The following TDRD10 variants were observed in gnomAD, a reference collection of about 807,000 sequenced individuals.
TDRD10 encodes tudor domain-containing protein 10.
TDRD10 carries 40 observed loss-of-function variants against 48.0 expected under a neutral mutation model. The observed-to-expected ratio is 0.83, with a 90% confidence interval of 0.65 to 1.09. TDRD10 has a LOEUF of 1.09. TDRD10 is among the 50% of genes least tolerant of loss of function. TDRD10 has a pLI of 0.00. For synonymous variants in TDRD10, 162 were observed against 170.4 expected (o/e 0.95, Z 0.38); for missense variants, 378 against 434.7 (o/e 0.87, Z 1.16).
At chr1:154,525,605 C>T (rs773469160) in intron 6 of TDRD10, among the ~76,000 whole-genome samples, 1 of 152,022 alleles carries the variant, frequency 6.6e-6, no homozygotes, top group Non-Finnish European at 1.5e-5. Context: ...AGGAAGTAGA[C>T]ATTAATGGCC....
At position 154,544,046 on chromosome 1, in the gene TDRD10, CG is replaced by C. The variant is rs745982586; in HGVS notation, c.591del (p.Leu198CysfsTer3). On this transcript the variant is annotated frameshift_variant, in exon 9 of 13. Transcript: ENST00000368482. LOFTEE classifies it high-confidence loss of function. ...CTCATCCATAGCGTCCGTGGGGAGG[CG>C]GGGCTGCTGGTGACGAGTATCGTCC... ...LALIHSVRGE[A>X]GLLVTSIVPK... The C allele has an allele frequency of 2.5e-6, 4 of 1,614,030 alleles. No individual in the cohort carries two copies. In the South Asian group the frequency reaches 4.4e-5, roughly 18 times the overall value.
At chr1:154,503,212 C>T (rs1033423466) in intron 1 of TDRD10, among the ~76,000 whole-genome samples, 183 bp downstream of exon 1, 3 of 151,942 alleles carry the variant, frequency 2.0e-5, no homozygotes, top group African/African-American at 4.8e-5. Context: ...TTTGTGCGGG[C>T]GGGGAGTGCC....
At chr1:154,536,530 T>G (rs1394639791) in intron 6 of TDRD10, among the ~76,000 whole-genome samples, 1 of 152,230 alleles carries the variant, frequency 6.6e-6, no homozygotes, top group Non-Finnish European at 1.5e-5. Flanking sequence ...TGTTGAAGTA[T>G]TCGATATACT....
chr1:154,518,058 T>C lies in TDRD10; in HGVS notation c.142-2246T>C, dbSNP rs563802381. On this transcript the variant is annotated intron_variant, in intron 4 of 12. Transcript: ENST00000368482. Reference sequence around the variant, plus strand: ...GGTGAGTGCAGTAACCTCCTGCCTGTCTGGCACAAAGTCAGTGGTCCATAA... The same window carrying C: ...GGTGAGTGCAGTAACCTCCTGCCTGCCTGGCACAAAGTCAGTGGTCCATAA... Among the ~76,000 whole-genome samples, 10 of 152,360 alleles carry C rather than the reference T, an allele frequency of 6.6e-5. No homozygotes were observed. The East Asian group carries it at 1.9e-3, about 29-fold the overall frequency.
intron 6 of TDRD10, among the ~76,000 whole-genome samples, chr1:154,531,498 C>T (rs756399711): frequency 1.3e-5 from 2 of 152,062 alleles, no homozygotes; most frequent in Non-Finnish European, 2.9e-5. Context: ...CAGACCTTCG[C>T]AGTGAGTGTT....
chr1:154,531,375 T>A (rs1433102995), intron 6 of TDRD10, among the ~76,000 whole-genome samples: 1 of 152,172 alleles, frequency 6.6e-6, no homozygotes. Context: ...GCGGTAAGTA[T>A]TACAGTTCTT....
intron 11 of TDRD10, among the ~76,000 whole-genome samples, chr1:154,545,494 T>G (rs1306797093): frequency 6.6e-6 from 1 of 152,192 alleles, no homozygotes; most frequent in African/African-American, 2.4e-5. Flanking sequence ...AAGAATGTTT[T>G]AGGGGGCAGT....
intron 1 of TDRD10, among the ~76,000 whole-genome samples, chr1:154,505,859 A>G (rs1418128919): frequency 6.6e-6 from 1 of 152,246 alleles, no homozygotes; most frequent in Non-Finnish European, 1.5e-5. Context: ...TGAGTTCTTG[A>G]CACATGGCAA....
chr1:154,544,056 G>A lies in TDRD10; in HGVS notation c.597G>A (p.Leu199=). 1 of 1,614,194 alleles carries A rather than the reference G, an allele frequency of 6.2e-7. No individual in the cohort carries two copies. The highest frequency in any genetic ancestry group is 8.5e-7 in the Non-Finnish European group (1 of 1,180,024). The change falls in exon 9 of 13, where the codon CTG becomes CTA. Residue 199 remains leucine (L), a synonymous_variant. Transcript: ENST00000368482. ...GCGTCCGTGGGGAGGCGGGGCTGCT[G>A]GTGACGAGTATCGTCCCGAAGACCC... ...IHSVRGEAGL[L]VTSIVPKTPF... is the part of the protein sequence containing the mutation.
In TDRD10 at chr1:154,520,258, T is replaced by C. The variant is rs775274467; in HGVS notation, c.142-46T>C. On this transcript the variant is annotated intron_variant, in intron 4 of 12. Coordinates refer to ENST00000368482, the MANE Select transcript of TDRD10 (RefSeq NM_182499.4). ...GATCTGAAACCTTGAGAAGTGGTTGTAAGTTATGTCTCTGGGTCTCTCTCT... is the reference window on the plus strand; with the variant it reads ...GATCTGAAACCTTGAGAAGTGGTTGCAAGTTATGTCTCTGGGTCTCTCTCT... 5 of 1,403,616 alleles carry C rather than the reference T, an allele frequency of 3.6e-6. No homozygotes were observed. In the Admixed American group the frequency reaches 6.7e-5, roughly 19 times the overall value. The allele number at this position is 1,403,616 out of a possible 1,614,324, so 86.9% of individuals were successfully genotyped here.
At chr1:154,506,301 A>C (rs1466137128) in intron 1 of TDRD10, among the ~76,000 whole-genome samples, 2 of 151,720 alleles carry the variant, frequency 1.3e-5, no homozygotes, top group African/African-American at 2.4e-5. Context: ...CCCTTCCTCC[A>C]TCTTCAAAGC....
At chr1:154,536,655 C>A (rs191396205) in intron 6 of TDRD10, among the ~76,000 whole-genome samples, 270 of 152,336 alleles carry the variant, frequency 1.8e-3, no homozygotes, top group Middle Eastern at 3.4e-3. Context: ...ACATTTCAGT[C>A]GCCCAAAAGA....
At chr1:154,528,522 G>A (rs1282696960) in intron 6 of TDRD10, among the ~76,000 whole-genome samples, 3 of 151,486 alleles carry the variant, frequency 2.0e-5, no homozygotes, top group Non-Finnish European at 4.4e-5. Context: ...GCTGCACCCT[G>A]CCAAAAAAAA....
chr1:154,542,922 T>C, intron 8 of TDRD10, 101 bp downstream of exon 8: 1 of 939,292 alleles, frequency 1.1e-6, no homozygotes, highest in Non-Finnish European at 1.6e-6. Context: ...TGGGGGATAG[T>C]TTTCGGGAAC....
At chr1:154,545,037 T>G in intron 11 of TDRD10, 88 bp downstream of exon 11, 8 of 1,529,218 alleles carry the variant, frequency 5.2e-6, no homozygotes, top group Non-Finnish European at 6.2e-6. Context: ...AGCAGCATAG[T>G]GGGCGGCCAA....
Position 154,507,337 on chromosome 1 carries a change from G to T in TDRD10, c.82+17G>T. The T allele has an allele frequency of 6.2e-7, 1 of 1,613,484 alleles. No individual in the cohort carries two copies. The highest frequency in any genetic ancestry group is 8.5e-7 in the Non-Finnish European group (1 of 1,179,796). ...AATCTCCAGGTAAGTTAGGCTGGGG[G>T]ATTCGCTGGTGCTGGGACTCTCATC... On this transcript the variant is annotated intron_variant, in intron 3 of 12. Transcript: ENST00000368482.
intron 11 of TDRD10, among the ~76,000 whole-genome samples, 178 bp downstream of exon 11, chr1:154,545,127 T>G (rs963855541): frequency 6.6e-6 from 1 of 152,136 alleles, no homozygotes; most frequent in Non-Finnish European, 1.5e-5. Flanking sequence ...GTGTTGGTTT[T>G]CATGCCTGGG....
chr1:154,518,533 T>A (rs1003138143), intron 4 of TDRD10, among the ~76,000 whole-genome samples: 2 of 152,172 alleles, frequency 1.3e-5, no homozygotes, highest in African/African-American at 4.8e-5. Context: ...GTTCACGCCA[T>A]TCTCCTGCCT....
chr1:154,533,194 A>T (rs1034419789), intron 6 of TDRD10, among the ~76,000 whole-genome samples: 1 of 152,106 alleles, frequency 6.6e-6, no homozygotes, highest in African/African-American at 2.4e-5. Context: ...TGAGGGCAGA[A>T]GTCTGGGCCC....
Sources: allele counts gnomAD v4.1 joint callset (sites outside exome capture counted in the v4.1 genomes callset), GRCh38; gene constraint gnomAD v4.1.1; transcripts MANE v1.5; gene names NCBI Gene and HGNC (gene_info 2026-07-23, HGNC 2026-07-21).